The following SH3GL2 variants were observed in gnomAD, a reference collection of about 807,000 sequenced individuals.
The protein encoded by SH3GL2 is endophilin-A1.
In SH3GL2, 24 loss-of-function variants were observed where a neutral mutation model predicts 46.0. That is an observed-to-expected ratio of 0.52 (90% CI 0.38 to 0.73). SH3GL2 has a LOEUF of 0.73. Ranked by LOEUF, SH3GL2 falls within the 30% of genes least tolerant of loss-of-function variation. SH3GL2 has a pLI of 0.00. For synonymous variants in SH3GL2, 196 were observed against 147.1 expected (o/e 1.33, Z -2.40); for missense variants, 413 against 424.2 (o/e 0.97, Z 0.23).
chr9:17,689,306 G>A (rs746184483), intron 1 of SH3GL2, among the ~76,000 whole-genome samples: 13 of 151,978 alleles, frequency 8.6e-5, no homozygotes, highest in East Asian at 1.9e-4. Flanking sequence ...AATGAGATAC[G>A]AAAACTAAAT....
At chr9:17,762,401 A>T (rs916712912) in intron 3 of SH3GL2, among the ~76,000 whole-genome samples, 4 of 110,158 alleles carry the variant, frequency 3.6e-5, no homozygotes, top group African/African-American at 9.6e-5. Context: ...CAAGTGATCA[A>T]AAAAAAAAAA....
At chr9:17,626,686 A>G (rs1204480200) in intron 1 of SH3GL2, among the ~76,000 whole-genome samples, 1 of 152,164 alleles carries the variant, frequency 6.6e-6, no homozygotes, top group East Asian at 1.9e-4. Context: ...ATATGTTTGT[A>G]TGAATGCATT....
chr9:17,684,124 C>T (rs991937148), intron 1 of SH3GL2, among the ~76,000 whole-genome samples: 7 of 151,962 alleles, frequency 4.6e-5, no homozygotes, highest in Admixed American at 1.3e-4. Context: ...CAGATATGAA[C>T]CAGATGTTAG....
chr9:17,749,717 T>G (rs1822791464), intron 2 of SH3GL2, among the ~76,000 whole-genome samples: 1 of 152,196 alleles, frequency 6.6e-6, no homozygotes, highest in Non-Finnish European at 1.5e-5. Flanking sequence ...AGCAACTAAT[T>G]AGACCTTTGG....
chr9:17,587,321 C>T (rs1319186124), intron 1 of SH3GL2, among the ~76,000 whole-genome samples: 1 of 152,172 alleles, frequency 6.6e-6, no homozygotes, highest in African/African-American at 2.4e-5. Context: ...TGGCATCCTG[C>T]AGGGGGCATT....
intron 1 of SH3GL2, among the ~76,000 whole-genome samples, chr9:17,712,586 CCTTT>C (rs1409566486): frequency 6.6e-6 from 1 of 151,774 alleles, no homozygotes; most frequent in Non-Finnish European, 1.5e-5. Context: ...CACTGTATTG[CCTTT>C]CTATCTCTGC....
chr9:17,675,010 C>T (rs1169697800), intron 1 of SH3GL2, among the ~76,000 whole-genome samples: 2 of 152,098 alleles, frequency 1.3e-5, no homozygotes, highest in East Asian at 1.9e-4. Flanking sequence ...GGTGTGCATA[C>T]AGGGATGGGA....
At chr9:17,701,270 G>A (rs1175073968) in intron 1 of SH3GL2, among the ~76,000 whole-genome samples, 1 of 152,142 alleles carries the variant, frequency 6.6e-6, no homozygotes, top group South Asian at 2.1e-4. Flanking sequence ...ACTTAGAAAT[G>A]ATGGATAAAA....
At chr9:17,739,432 T>G (rs530603835) in intron 1 of SH3GL2, among the ~76,000 whole-genome samples, 1 of 152,154 alleles carries the variant, frequency 6.6e-6, no homozygotes, top group Non-Finnish European at 1.5e-5. Flanking sequence ...AGATACTGTC[T>G]TTTTATATTT....
intron 1 of SH3GL2, among the ~76,000 whole-genome samples, chr9:17,719,923 A>G (rs1160406370): frequency 1.3e-5 from 2 of 151,598 alleles, no homozygotes; most frequent in Admixed American, 6.6e-5. Context: ...TATAAATTAT[A>G]TATTATTTTT....
At chr9:17,766,207 T>C (rs944610132) in intron 3 of SH3GL2, among the ~76,000 whole-genome samples, 7 of 152,222 alleles carry the variant, frequency 4.6e-5, no homozygotes, top group African/African-American at 1.7e-4. Context: ...TGATGAGATG[T>C]GGAAGTGTGA....
intron 1 of SH3GL2, among the ~76,000 whole-genome samples, chr9:17,679,163 G>C (rs1347674480): frequency 6.6e-6 from 1 of 152,088 alleles, no homozygotes; most frequent in Non-Finnish European, 1.5e-5. Flanking sequence ...TTCCAATTCT[G>C]TGAAGAAAGT....
At chr9:17,688,757 A>G (rs899757572) in intron 1 of SH3GL2, among the ~76,000 whole-genome samples, 2 of 152,112 alleles carry the variant, frequency 1.3e-5, no homozygotes, top group Admixed American at 6.6e-5. Flanking sequence ...TTGAACAGAA[A>G]AATAACATAG....
Position 17,592,074 on chromosome 9 carries a change from A to G in SH3GL2, c.45+12787A>G, listed in dbSNP as rs370622368. On this transcript the variant is annotated intron_variant, in intron 1 of 8. Transcript: ENST00000380607. Reference sequence around the variant, plus strand: ...GCAATATGCTTTCTGCAAGCTGGAGAATCAGGAAACCCGGTGGTGTAATAC... The same window carrying G: ...GCAATATGCTTTCTGCAAGCTGGAGGATCAGGAAACCCGGTGGTGTAATAC... Among the ~76,000 whole-genome samples the G allele has an allele frequency of 2.6e-5, 4 of 152,262 alleles. No individual in the cohort carries two copies. In the East Asian group the frequency reaches 7.7e-4, roughly 29 times the overall value.
chr9:17,691,206 T>C (rs3808711), intron 1 of SH3GL2, among the ~76,000 whole-genome samples: 61,451 of 151,974 alleles, frequency 0.4, 12,902 homozygotes, highest in Admixed American at 0.55. Flanking sequence ...CATTGTTTAT[T>C]TCCTGTTCCA....
intron 3 of SH3GL2, among the ~76,000 whole-genome samples, chr9:17,774,903 T>G (rs188329308): frequency 1.1e-4 from 16 of 143,578 alleles, no homozygotes; most frequent in African/African-American, 3.9e-4. Context: ...GGTGAAGCCA[T>G]CAGATCCTAG....
Position 17,748,951 on chromosome 9 carries a change from G to A in SH3GL2, c.114+1817G>A, listed in dbSNP as rs939829336. ...CTGAAAAAAAAAGATAAGTTGCCAAGAGGCAGGGTCCTGTGAAATCAGACT... is the reference window on the plus strand; with the variant it reads ...CTGAAAAAAAAAGATAAGTTGCCAAAAGGCAGGGTCCTGTGAAATCAGACT... On this transcript the variant is annotated intron_variant, in intron 2 of 8. Transcript: ENST00000380607. Among the ~76,000 whole-genome samples, 3 of 152,218 alleles carry A rather than the reference G, an allele frequency of 2.0e-5. No individual in the cohort carries two copies. The South Asian group carries it at 6.2e-4, about 32-fold the overall frequency.
chr9:17,774,357 C>CT (rs1588323520), intron 3 of SH3GL2, among the ~76,000 whole-genome samples: 1 of 152,088 alleles, frequency 6.6e-6, no homozygotes, highest in Non-Finnish European at 1.5e-5. Context: ...GCATCATTGT[C>CT]TCGTTACTGA....
intron 1 of SH3GL2, among the ~76,000 whole-genome samples, chr9:17,591,826 G>A (rs370118958): frequency 2.1e-4 from 32 of 152,304 alleles, no homozygotes; most frequent in South Asian, 4.1e-4. Context: ...TCAGGTGAAC[G>A]TAGGCATTTT....
Sources: gnomAD v4.1 joint callset for allele counts (sites outside exome capture counted in the v4.1 genomes callset) on GRCh38, gnomAD v4.1.1 for gene constraint, MANE v1.5 for transcripts, NCBI Gene and HGNC (gene_info 2026-07-23, HGNC 2026-07-21) for gene names.